SLC10A7: variants seen among roughly 807,000 people sequenced by gnomAD.
SLC10A7 encodes sodium/bile acid cotransporter 7.
Under a neutral mutation model 43.2 loss-of-function variants are expected in SLC10A7, and 29 were observed. The ratio of observed to expected loss-of-function variants is 0.67; its 90% CI spans 0.50 to 0.92. The LOEUF (loss-of-function observed/expected upper bound fraction) is 0.92, where lower values mean the gene tolerates loss of function less well. Among genes scored for constraint, SLC10A7 ranks in the 40% least tolerant of loss-of-function variants. SLC10A7 has a pLI of 0.00. For missense variants in SLC10A7, 295 were observed against 403.2 expected, an observed-to-expected ratio of 0.73 and a Z score of 2.30; for synonymous variants, 152 against 144.8, an observed-to-expected ratio of 1.05 and a Z score of -0.35.
intron 5 of SLC10A7, among the ~76,000 whole-genome samples, chr4:146,375,600 C>G (rs907577120): frequency 1.3e-5 from 2 of 152,146 alleles, no homozygotes; most frequent in Admixed American, 6.5e-5. Context: ...TACAACTTAT[C>G]TCCTTTTAAC....
intron 5 of SLC10A7, among the ~76,000 whole-genome samples, chr4:146,424,360 T>C (rs1201179015): frequency 6.6e-6 from 1 of 152,158 alleles, no homozygotes; most frequent in Non-Finnish European, 1.5e-5. Context: ...CTGAGAATCA[T>C]TGTTAAATAC....
chr4:146,345,158 T>C (rs1734531464), intron 5 of SLC10A7, among the ~76,000 whole-genome samples: 1 of 152,028 alleles, frequency 6.6e-6, no homozygotes, highest in Non-Finnish European at 1.5e-5. Flanking sequence ...TGCAGAGGGA[T>C]AAACAGTGAC....
chr4:146,386,151 C>CTT (rs1737977844), intron 5 of SLC10A7, among the ~76,000 whole-genome samples: 1 of 152,132 alleles, frequency 6.6e-6, no homozygotes, highest in Non-Finnish European at 1.5e-5. Flanking sequence ...TATGAGAACT[C>CTT]TCCAAACTGC....
intron 5 of SLC10A7, among the ~76,000 whole-genome samples, chr4:146,349,107 T>G (rs1734832964): frequency 6.6e-6 from 1 of 152,250 alleles, no homozygotes; most frequent in Non-Finnish European, 1.5e-5. Flanking sequence ...AAATGATTTT[T>G]GCTGGTTTTA....
At chr4:146,408,594 G>A (rs1393745749) in intron 5 of SLC10A7, 1 of 152,016 alleles carries the variant, frequency 6.6e-6, no homozygotes, top group East Asian at 1.9e-4. Context: ...ACTTTATATT[G>A]TTGAACATCA....
chr4:146,519,000 C>T (rs928381038), intron 1 of SLC10A7, among the ~76,000 whole-genome samples: 10 of 144,018 alleles, frequency 6.9e-5, no homozygotes, highest in Non-Finnish European at 1.4e-4. Context: ...ATCACGGCTC[C>T]TCCATAGCCT....
At chr4:146,416,635 GGAGAGTATTCA>G (rs1245699010) in intron 5 of SLC10A7, among the ~76,000 whole-genome samples, 2 of 152,002 alleles carry the variant, frequency 1.3e-5, no homozygotes, top group African/African-American at 2.4e-5. Context: ...CTACTTACCA[GGAGAGTATTCA>G]GAAAGAGAAT....
chr4:146,344,610 A>T (rs747359883), intron 5 of SLC10A7, among the ~76,000 whole-genome samples: 3 of 152,054 alleles, frequency 2.0e-5, no homozygotes, highest in Non-Finnish European at 4.4e-5. Flanking sequence ...TACTTTCATT[A>T]TATTACTAAC....
intron 10 of SLC10A7, among the ~76,000 whole-genome samples, chr4:146,260,070 C>T (rs1728127026): frequency 6.6e-6 from 1 of 152,224 alleles, no homozygotes; most frequent in African/African-American, 2.4e-5. Flanking sequence ...TTCACAGCCT[C>T]ACATATCATT....
chr4:146,521,851 G>A lies in SLC10A7; in HGVS notation c.-134C>T, dbSNP rs1288233120. 4 of 709,086 alleles carry A rather than the reference G, an allele frequency of 5.6e-6. No homozygotes were observed. In the East Asian group the frequency reaches 8.1e-5, roughly 14 times the overall value. 43.9% of individuals were successfully genotyped at this position (709,086 alleles called of 1,614,324 possible). On this transcript the variant is annotated 5_prime_UTR_variant, in exon 1 of 12. Transcript: ENST00000335472. Reference sequence around the variant, plus strand: ...ATGCAGCAGAGCAAGTCAAATTGCCGATTGTAAAGTAAAGACCTGGGGGTT... The same window carrying A: ...ATGCAGCAGAGCAAGTCAAATTGCCAATTGTAAAGTAAAGACCTGGGGGTT...
intron 5 of SLC10A7, among the ~76,000 whole-genome samples, chr4:146,341,781 T>C (rs1020327880): frequency 6.6e-6 from 1 of 151,822 alleles, no homozygotes; most frequent in Non-Finnish European, 1.5e-5. Flanking sequence ...GATGCTAACC[T>C]TATAACACTA....
intron 7 of SLC10A7, among the ~76,000 whole-genome samples, chr4:146,300,613 T>C (rs1731096106): frequency 6.6e-6 from 1 of 152,200 alleles, no homozygotes; most frequent in Non-Finnish European, 1.5e-5. Flanking sequence ...TAACATCTAC[T>C]CAGATGTGTG....
At chr4:146,442,868 A>G in intron 4 of SLC10A7, 47 bp from the exon 5 acceptor site, 6 of 1,267,118 alleles carry the variant, frequency 4.7e-6, no homozygotes, top group Non-Finnish European at 6.7e-6. Flanking sequence ...AAAGTAAATA[A>G]GAATAATAAA....
intron 3 of SLC10A7, 76 bp downstream of exon 3, chr4:146,509,837 T>C (rs1737288449): frequency 4.3e-6 from 6 of 1,386,578 alleles, no homozygotes; most frequent in Non-Finnish European, 5.9e-6. Flanking sequence ...CTTTTGTATA[T>C]AGTTGCCATA....
chr4:146,513,411 CAT>C (rs1412187633), intron 2 of SLC10A7, among the ~76,000 whole-genome samples: 46 of 152,166 alleles, frequency 3.0e-4, no homozygotes, highest in Admixed American at 2.0e-3. Context: ...GCATATAAAA[CAT>C]ATTTTTTAAA....
chr4:146,293,505 T>G (rs1730578546), intron 8 of SLC10A7, among the ~76,000 whole-genome samples: 1 of 152,188 alleles, frequency 6.6e-6, no homozygotes, highest in Admixed American at 6.5e-5. Flanking sequence ...ATGTAAATAT[T>G]CATATTTTAA....
At chr4:146,510,798 T>C (rs1235743896) in intron 2 of SLC10A7, among the ~76,000 whole-genome samples, 3 of 152,196 alleles carry the variant, frequency 2.0e-5, no homozygotes, top group Non-Finnish European at 2.9e-5. Flanking sequence ...CTCTATTCAT[T>C]GCACCAAGGC....
At chr4:146,299,949 G>C (rs1305980283) in intron 7 of SLC10A7, among the ~76,000 whole-genome samples, 4 of 152,178 alleles carry the variant, frequency 2.6e-5, no homozygotes, top group African/African-American at 9.7e-5. Flanking sequence ...GTGAATGACA[G>C]GTCATGGAAT....
chr4:146,496,874 G>A (rs997099320), intron 4 of SLC10A7, among the ~76,000 whole-genome samples: 6 of 152,122 alleles, frequency 3.9e-5, no homozygotes, highest in African/African-American at 1.4e-4. Context: ...TTTCTCCCCT[G>A]TAAGACGTTA....
Sources: gnomAD v4.1 joint callset for allele counts (sites outside exome capture counted in the v4.1 genomes callset) on GRCh38, gnomAD v4.1.1 for gene constraint, MANE v1.5 for transcripts, NCBI Gene and HGNC (gene_info 2026-07-23, HGNC 2026-07-21) for gene names.